Variants in TRPM3 observed in about 807,000 individuals in gnomAD.
TRPM3 encodes the protein transient receptor potential cation channel subfamily M member 3, also known as long transient receptor potential channel 3.
A neutral mutation model predicts 181.2 loss-of-function variants in TRPM3; 77 were observed. The ratio of observed to expected loss-of-function variants is 0.42; its 90% CI spans 0.35 to 0.51. The LOEUF is 0.51. Ranked by LOEUF, TRPM3 falls within the 20% of genes least tolerant of loss-of-function variation. The probability of loss-of-function intolerance (pLI) is 0.01; values close to 1 mark genes in which losing one functional copy is unlikely to be tolerated. For missense variants in TRPM3, 1,759 were observed against 2,196.7 expected (o/e 0.80, Z 3.98); for synonymous variants, 745 against 796.4 (o/e 0.94, Z 1.09).
intron 1 of TRPM3, among the ~76,000 whole-genome samples, chr9:71,276,606 G>C (rs1034062881): frequency 6.6e-6 from 1 of 152,092 alleles, no homozygotes; most frequent in African/African-American, 2.4e-5. Context: ...AAAATCATGA[G>C]ATATAATTCA....
At chr9:71,324,694 T>C (rs1377836170) in intron 1 of TRPM3, among the ~76,000 whole-genome samples, 2 of 151,996 alleles carry the variant, frequency 1.3e-5, no homozygotes, top group Non-Finnish European at 2.9e-5. Flanking sequence ...CTCTTCACAA[T>C]AGCAAAGATA....
chr9:70,871,315 C>T (rs2095785973), intron 1 of TRPM3, among the ~76,000 whole-genome samples: 1 of 151,962 alleles, frequency 6.6e-6, no homozygotes, highest in East Asian at 1.9e-4. Context: ...CTAGATACTA[C>T]TCCAACCCTT....
intron 1 of TRPM3, among the ~76,000 whole-genome samples, chr9:71,168,631 A>T (rs575933862): frequency 9.3e-4 from 86 of 92,026 alleles, no homozygotes; most frequent in South Asian, 2.7e-3. Context: ...TTATTTTTTT[A>T]TTATTTTTTA....
chr9:70,584,894 C>T (rs1283150776), intron 22 of TRPM3, among the ~76,000 whole-genome samples: 1 of 152,208 alleles, frequency 6.6e-6, no homozygotes, highest in African/African-American at 2.4e-5. Context: ...AGCCATTTGT[C>T]TTTCCTGTAC....
intron 1 of TRPM3, among the ~76,000 whole-genome samples, chr9:71,305,154 A>T (rs923778536): frequency 6.6e-6 from 1 of 152,208 alleles, no homozygotes; most frequent in Non-Finnish European, 1.5e-5. Context: ...TCTTCTCATT[A>T]TACTTGCAAG....
At chr9:70,658,723 T>C (rs544892449) in intron 9 of TRPM3, among the ~76,000 whole-genome samples, 6 of 152,050 alleles carry the variant, frequency 3.9e-5, no homozygotes, top group Non-Finnish European at 8.8e-5. Flanking sequence ...AGTGGTTTTA[T>C]AATCAGCTAT....
At chr9:71,113,762 A>G (rs1321455406) in intron 1 of TRPM3, among the ~76,000 whole-genome samples, 1 of 152,218 alleles carries the variant, frequency 6.6e-6, no homozygotes, top group Non-Finnish European at 1.5e-5. Flanking sequence ...TGAGTGCTCA[A>G]TTTTTAACAA....
In TRPM3 at chr9:70,532,828, C is replaced by T. The variant is rs188693680; in HGVS notation, c.*3125G>A. 3 of 152,240 alleles carry T rather than the reference C, an allele frequency of 2.0e-5. No individual in the cohort carries two copies. Among genetic ancestry groups the T allele is most frequent in the East Asian group, 3.9e-4 (2 of 5,184 alleles). 9.4% of individuals were successfully genotyped at this position (152,240 alleles called of 1,614,324 possible). ...TTAATTCACAAAGACAGGTAATTAA[C>T]GTCCCCTCGATCAGGGATGTGGTGG... is the stretch of plus-strand genomic sequence containing the variant. On this transcript the variant is annotated 3_prime_UTR_variant, in exon 26 of 26. Coordinates refer to ENST00000677713, the MANE Select transcript of TRPM3 (RefSeq NM_001366145.2).
intron 1 of TRPM3, among the ~76,000 whole-genome samples, chr9:71,051,386 A>C (rs548487726): frequency 6.6e-6 from 1 of 152,260 alleles, no homozygotes; most frequent in African/African-American, 2.4e-5. Context: ...TGTGAGTTCA[A>C]GATTACCATT....
At chr9:71,251,317 C>T (rs1053745888) in intron 1 of TRPM3, among the ~76,000 whole-genome samples, 4 of 152,118 alleles carry the variant, frequency 2.6e-5, no homozygotes, top group African/African-American at 9.7e-5. Context: ...CTCATGTGAA[C>T]TCCCCTATCA....
At chr9:70,655,908 T>C (rs559208604) in intron 9 of TRPM3, among the ~76,000 whole-genome samples, 1 of 152,348 alleles carries the variant, frequency 6.6e-6, no homozygotes, top group South Asian at 2.1e-4. Flanking sequence ...TCTATTGGCA[T>C]GCCTAATACC....
rs185327752 is a variant in TRPM3 at position 70,841,525 on chromosome 9, C to A, written c.801+1478G>T. Among the ~76,000 whole-genome samples the A allele has an allele frequency of 2.9e-3, 439 of 149,316 alleles. 3 individuals are homozygous for A. The highest frequency in any genetic ancestry group is 6.8e-3 in the Middle Eastern group (2 of 292). ...AATCATTATATAAAAAAGACACCTG[C>A]ACTTATATATTTATTGCAGCACAAT... On this transcript the variant is annotated intron_variant, in intron 5 of 25. Coordinates refer to ENST00000677713, the MANE Select transcript of TRPM3 (RefSeq NM_001366145.2).
rs374485496 is a variant in TRPM3, at chr9:70,782,314, C to T, written c.1148+1791G>A. On this transcript the variant is annotated intron_variant, in intron 7 of 25. Transcript: ENST00000677713. ...GCAACCTCTGCCTCCTGGGTTCAAGCGATTATCCTGCCTCAGCCTCCCAAG... is the reference window on the plus strand; with the variant it reads ...GCAACCTCTGCCTCCTGGGTTCAAGTGATTATCCTGCCTCAGCCTCCCAAG... Among the ~76,000 whole-genome samples, 210 of 151,814 alleles carry T rather than the reference C, an allele frequency of 1.4e-3. 3 individuals carry two copies. In the South Asian group the frequency reaches 0.019, roughly 14 times the overall value.
At chr9:70,795,672 T>C (rs1450112038) in intron 6 of TRPM3, among the ~76,000 whole-genome samples, 1 of 152,204 alleles carries the variant, frequency 6.6e-6, no homozygotes, top group African/African-American at 2.4e-5. Context: ...TTGTTAAGTC[T>C]TTCGAGTTCT....
chr9:71,109,508 CAT>C (rs1326569133), intron 1 of TRPM3, among the ~76,000 whole-genome samples: 2 of 152,154 alleles, frequency 1.3e-5, no homozygotes, highest in Non-Finnish European at 1.5e-5. Flanking sequence ...CAAACACAAA[CAT>C]ATTAATTTAT....
At chr9:70,751,486 T>A (rs1416341769) in intron 8 of TRPM3, among the ~76,000 whole-genome samples, 1 of 152,066 alleles carries the variant, frequency 6.6e-6, no homozygotes, top group African/African-American at 2.4e-5. Context: ...GATAGGAGAC[T>A]TAAAATTACT....
intron 1 of TRPM3, among the ~76,000 whole-genome samples, chr9:71,352,609 A>G (rs1250807757): frequency 6.6e-6 from 1 of 152,252 alleles, no homozygotes; most frequent in African/African-American, 2.4e-5. Context: ...CTAAATGAAC[A>G]TTATTCATCC....
At chr9:71,241,716 A>C (rs2131969288) in intron 1 of TRPM3, among the ~76,000 whole-genome samples, 1 of 152,352 alleles carries the variant, frequency 6.6e-6, no homozygotes, top group Admixed American at 6.5e-5. Context: ...TCTATTCCGT[A>C]ACATATTAAT....
chr9:70,911,728 A>G (rs1362757211), intron 1 of TRPM3, among the ~76,000 whole-genome samples: 2 of 152,152 alleles, frequency 1.3e-5, no homozygotes, highest in African/African-American at 2.4e-5. Context: ...TGCTGATTCT[A>G]GTTTCTAAAT....
Sources: allele counts gnomAD v4.1 joint callset (sites outside exome capture counted in the v4.1 genomes callset), GRCh38; gene constraint gnomAD v4.1.1; transcripts MANE v1.5; gene names NCBI Gene and HGNC (gene_info 2026-07-23, HGNC 2026-07-21).